MACROD2: variants seen among roughly 807,000 people sequenced by gnomAD.
MACROD2 encodes mono-ADP ribosylhydrolase 2.
A neutral mutation model predicts 70.4 loss-of-function variants in MACROD2; 36 were observed. The ratio of observed to expected loss-of-function variants is 0.51; its 90% confidence interval spans 0.39 to 0.68. MACROD2 has a LOEUF of 0.68. Ranked by LOEUF, MACROD2 falls within the 30% of genes least tolerant of loss-of-function variation. The pLI is 0.00. For synonymous variants in MACROD2, 172 were observed against 178.8 expected (o/e 0.96, Z 0.30); for missense variants, 496 against 538.4 (o/e 0.92, Z 0.78).
intron 8 of MACROD2, among the ~76,000 whole-genome samples, chr20:15,565,048 A>T (rs756005376): frequency 7.2e-5 from 11 of 152,138 alleles, no homozygotes; most frequent in Non-Finnish European, 1.3e-4. Flanking sequence ...TAGCTCTGGG[A>T]TATCATGAAG....
chr20:14,571,077 A>C (rs1266183873), intron 4 of MACROD2, among the ~76,000 whole-genome samples: 1 of 152,060 alleles, frequency 6.6e-6, no homozygotes, highest in Non-Finnish European at 1.5e-5. Context: ...AGGCCCAAAT[A>C]GGGCTATGCA....
intron 3 of MACROD2, among the ~76,000 whole-genome samples, chr20:14,441,155 A>G (rs577812767): frequency 6.6e-6 from 1 of 152,290 alleles, no homozygotes; most frequent in Non-Finnish European, 1.5e-5. Flanking sequence ...AAGTAATTTT[A>G]TGTGACTTCT....
chr20:14,712,724 T>A (rs2071352264), intron 5 of MACROD2, among the ~76,000 whole-genome samples: 1 of 152,212 alleles, frequency 6.6e-6, no homozygotes, highest in African/African-American at 2.4e-5. Flanking sequence ...ATTGTCAGTA[T>A]CTCCTAATCT....
At chr20:14,070,034 C>T (rs1409970255) in intron 2 of MACROD2, among the ~76,000 whole-genome samples, 1 of 152,074 alleles carries the variant, frequency 6.6e-6, no homozygotes, top group East Asian at 1.9e-4. Flanking sequence ...ACCATCTAGC[C>T]TTAGTCACCC....
intron 7 of MACROD2, among the ~76,000 whole-genome samples, chr20:15,468,097 A>C (rs1346828374): frequency 4.6e-5 from 7 of 152,182 alleles, no homozygotes; most frequent in Admixed American, 4.6e-4. Context: ...CTAGACTATA[A>C]ATGTCTTTTG....
chr20:15,740,616 C>T (rs1182150196), intron 8 of MACROD2, among the ~76,000 whole-genome samples: 1 of 152,116 alleles, frequency 6.6e-6, no homozygotes, highest in Non-Finnish European at 1.5e-5. Context: ...TCAACTGCCA[C>T]TCTATTTGCC....
chr20:15,939,321 G>A (rs923508374), intron 12 of MACROD2, among the ~76,000 whole-genome samples: 11 of 152,160 alleles, frequency 7.2e-5, no homozygotes, highest in Non-Finnish European at 1.5e-4. Context: ...TCTCTTGTTA[G>A]GGGCTAATGC....
intron 5 of MACROD2, 70 bp from the exon 6 acceptor site, chr20:15,229,870 A>G (rs1183847578): frequency 1.4e-6 from 2 of 1,411,198 alleles, no homozygotes; most frequent in Non-Finnish European, 9.4e-7. Context: ...AAATAAATAA[A>G]GTATTAATTA....
intron 5 of MACROD2, among the ~76,000 whole-genome samples, chr20:14,960,471 C>A (rs116893132): frequency 0.021 from 3,157 of 152,306 alleles, 58 homozygotes; most frequent in Non-Finnish European, 0.033. Context: ...TCAGCTTCCA[C>A]AGCATATCTG....
intron 7 of MACROD2, among the ~76,000 whole-genome samples, chr20:15,436,370 T>G (rs1180444851): frequency 6.6e-6 from 1 of 152,086 alleles, no homozygotes; most frequent in Admixed American, 6.6e-5. Flanking sequence ...GAGAAACTCC[T>G]GTTTTCAAAA....
At chr20:14,457,358 C>T (rs2084315935) in intron 3 of MACROD2, among the ~76,000 whole-genome samples, 1 of 152,050 alleles carries the variant, frequency 6.6e-6, no homozygotes, top group South Asian at 2.1e-4. Flanking sequence ...TGGATTTGGT[C>T]TAGACTGTCT....
chr20:14,176,434 C>G (rs1240891662), intron 3 of MACROD2, among the ~76,000 whole-genome samples: 2 of 152,128 alleles, frequency 1.3e-5, no homozygotes, highest in African/African-American at 4.8e-5. Context: ...GAAATGTGCT[C>G]TCTGGAGTTG....
At chr20:15,063,171 T>C (rs1026656497) in intron 5 of MACROD2, among the ~76,000 whole-genome samples, 7 of 152,156 alleles carry the variant, frequency 4.6e-5, no homozygotes, top group African/African-American at 1.7e-4. Flanking sequence ...CCATGAACCA[T>C]GATACGCTGG....
chr20:15,183,615 G>T (rs1478641097), intron 5 of MACROD2, among the ~76,000 whole-genome samples: 3 of 152,074 alleles, frequency 2.0e-5, no homozygotes, highest in African/African-American at 7.2e-5. Context: ...TATTCTTTCT[G>T]AAATAATTAT....
chr20:14,738,402 C>T (rs910058237), intron 5 of MACROD2, among the ~76,000 whole-genome samples: 4 of 151,858 alleles, frequency 2.6e-5, no homozygotes, highest in East Asian at 1.9e-4. Context: ...TTTTTGAAAC[C>T]GACACCTTCA....
intron 5 of MACROD2, among the ~76,000 whole-genome samples, chr20:14,688,340 C>G (rs536233280): frequency 6.6e-5 from 10 of 152,126 alleles, no homozygotes; most frequent in African/African-American, 2.2e-4. Flanking sequence ...CTCTTTTATG[C>G]TTGCTAAATT....
chr20:15,619,977 G>A (rs1004031573), intron 8 of MACROD2, among the ~76,000 whole-genome samples: 4 of 152,070 alleles, frequency 2.6e-5, no homozygotes, highest in East Asian at 3.9e-4. Context: ...TAAGCAGGGC[G>A]TGGTCTAAAC....
chr20:16,035,170 AAAATATT>A (rs372502973), intron 15 of MACROD2, among the ~76,000 whole-genome samples: 67 of 4,680 alleles, frequency 0.014, no homozygotes, highest in Middle Eastern at 0.17. Context: ...TATAAAATAT[AAAATATT>A]ATATATTATA....
intron 15 of MACROD2, among the ~76,000 whole-genome samples, chr20:16,036,444 C>G (rs1353527704): frequency 6.6e-6 from 1 of 151,920 alleles, no homozygotes; most frequent in Admixed American, 6.6e-5. Flanking sequence ...AGGGTTTGAG[C>G]AGTACAGTTG....
Sources: gnomAD v4.1 joint callset for allele counts (sites outside exome capture counted in the v4.1 genomes callset) on GRCh38, gnomAD v4.1.1 for gene constraint, MANE v1.5 for transcripts, NCBI Gene and HGNC (gene_info 2026-07-23, HGNC 2026-07-21) for gene names.